METTL22: variants seen among roughly 807,000 people sequenced by gnomAD.
The protein encoded by METTL22 is methyltransferase-like protein 22.
METTL22 carries 51 observed loss-of-function variants against 48.4 expected under a neutral mutation model. The ratio of observed to expected loss-of-function variants is 1.05; its 90% CI spans 0.84 to 1.33. The LOEUF is 1.33. METTL22 is among the 40% of genes most tolerant of loss of function. The probability of loss-of-function intolerance (pLI) is 0.00; values close to 1 mark genes in which losing one functional copy is unlikely to be tolerated. For synonymous variants in METTL22, 255 were observed against 214.1 expected (o/e 1.19, Z -1.67); for missense variants, 678 against 526.9 (o/e 1.29, Z -2.81).
intron 6 of METTL22, chr16:8,639,443 G>A (rs755014973): frequency 1.8e-5 from 9 of 501,294 alleles, no homozygotes; most frequent in Non-Finnish European, 3.3e-5. Flanking sequence ...CAGCTCCTTA[G>A]TTGACCCGTC....
chr16:8,661,955 A>T, the METTL22 span, among the ~76,000 whole-genome samples: 3 of 145,272 alleles, frequency 2.1e-5, 1 homozygote, highest in Non-Finnish European at 4.5e-5. Context: ...CAGAAGTAGC[A>T]AGAATGGGCT....
At chr16:8,634,449 G>T (rs1412849508) in intron 3 of METTL22, among the ~76,000 whole-genome samples, 7 of 152,024 alleles carry the variant, frequency 4.6e-5, no homozygotes, top group Admixed American at 1.3e-4. Context: ...ACCAGAATTT[G>T]ATCCTATTAG....
chr16:8,661,963 G>C, the METTL22 span, among the ~76,000 whole-genome samples: 4 of 145,222 alleles, frequency 2.8e-5, no homozygotes, highest in Non-Finnish European at 6.1e-5. Context: ...GCAAGAATGG[G>C]CTTGGCATGG....
At chr16:8,659,398 A>T in the METTL22 span, among the ~76,000 whole-genome samples, 1 of 151,894 alleles carries the variant, frequency 6.6e-6, no homozygotes, top group Non-Finnish European at 1.5e-5. Context: ...TCCTGGAATG[A>T]CAGAGCTGGC....
chr16:8,644,516 T>G (rs1384502067), intron 9 of METTL22, 41 bp from the exon 10 acceptor site: 2 of 1,510,102 alleles, frequency 1.3e-6, no homozygotes, highest in African/African-American at 2.8e-5. Context: ...ACCCTTCCCA[T>G]TGATGATGGC....
the METTL22 span, among the ~76,000 whole-genome samples, chr16:8,660,706 G>A: frequency 6.6e-6 from 1 of 151,106 alleles, no homozygotes; most frequent in Non-Finnish European, 1.5e-5. Flanking sequence ...TAGAGCCATC[G>A]GGGGCTGGAA....
the METTL22 span, among the ~76,000 whole-genome samples, chr16:8,661,871 C>T: frequency 6.9e-6 from 1 of 144,926 alleles, no homozygotes; most frequent in Non-Finnish European, 1.5e-5. Flanking sequence ...CTGTGCCCAG[C>T]CTCCTGTACC....
At chr16:8,659,120 C>T in the METTL22 span, among the ~76,000 whole-genome samples, 274 of 152,246 alleles carry the variant, frequency 1.8e-3, no homozygotes, top group African/African-American at 6.4e-3. Context: ...AACTTGAGGT[C>T]AGGAGTTCGA....
the METTL22 span, among the ~76,000 whole-genome samples, chr16:8,660,516 C>T: frequency 6.6e-6 from 1 of 151,928 alleles, no homozygotes; most frequent in Admixed American, 6.6e-5. Context: ...TTCCTACTTC[C>T]TAGAAGAATC....
the METTL22 span, among the ~76,000 whole-genome samples, chr16:8,665,382 G>A: frequency 0.056 from 8,555 of 152,188 alleles, 573 homozygotes; most frequent in African/African-American, 0.16. Context: ...GAACCCTGGT[G>A]ACTCCAAGTC....
intron 9 of METTL22, among the ~76,000 whole-genome samples, chr16:8,643,843 A>T (rs1010833274): frequency 6.6e-6 from 1 of 152,038 alleles, no homozygotes; most frequent in Non-Finnish European, 1.5e-5. Flanking sequence ...CAAACTCCTG[A>T]CCTCAGGTGA....
chr16:8,646,007 G>T (rs2056785472), intron 10 of METTL22, 101 bp from the exon 11 acceptor site: 4 of 1,558,498 alleles, frequency 2.6e-6, no homozygotes, highest in Non-Finnish European at 2.6e-6. Flanking sequence ...TGGCTGACGT[G>T]TTGTCTAACT....
intron 3 of METTL22, among the ~76,000 whole-genome samples, chr16:8,634,650 G>T (rs893891641): frequency 2.0e-5 from 3 of 152,116 alleles, no homozygotes; most frequent in East Asian, 3.8e-4. Context: ...AATGAATTGT[G>T]ATTATTAGTA....
chr16:8,641,394 C>A, intron 7 of METTL22: 1 of 656,348 alleles, frequency 1.5e-6, no homozygotes, highest in South Asian at 1.5e-5. Flanking sequence ...CGTTCATTTT[C>A]TTCTCCAGGT....
In METTL22 at chr16:8,647,964, G is replaced by A. The variant is rs939120053; in HGVS notation, c.*1821G>A. The A allele has an allele frequency of 6.6e-6, 1 of 152,286 alleles. No homozygotes were observed. Among genetic ancestry groups the A allele is most frequent in the African/African-American group, 2.4e-5 (1 of 41,466 alleles). The allele number at this position is 152,286 out of a possible 1,614,324, so 9.4% of individuals were successfully genotyped here. The stretch of plus-strand genomic sequence containing the variant: ...CCATGTCCATCTGACTCCTGAGCCT[G>A]TGCTTTTCCCACATTCCCGCTGGAG... On this transcript the variant is annotated 3_prime_UTR_variant, in exon 11 of 11. Transcript: ENST00000381920.
intron 1 of METTL22, among the ~76,000 whole-genome samples, chr16:8,625,289 T>A (rs1438403663): frequency 6.6e-6 from 1 of 152,152 alleles, no homozygotes; most frequent in African/African-American, 2.4e-5. Flanking sequence ...GTTCTACGGT[T>A]ATGATATTCC....
At chr16:8,663,994 T>C in the METTL22 span, among the ~76,000 whole-genome samples, 1 of 152,094 alleles carries the variant, frequency 6.6e-6, no homozygotes, top group African/African-American at 2.4e-5. Context: ...CAACCAAAAC[T>C]GTCTCCAGCT....
chr16:8,625,308 C>T (rs1184096193), intron 1 of METTL22, among the ~76,000 whole-genome samples, 188 bp from the exon 2 acceptor site: 2 of 151,448 alleles, frequency 1.3e-5, no homozygotes, highest in African/African-American at 4.9e-5. Flanking sequence ...CCCCTGTATC[C>T]TTACTGTTTG....
chr16:8,622,455 C>G (rs986022945), intron 1 of METTL22, among the ~76,000 whole-genome samples: 1 of 151,978 alleles, frequency 6.6e-6, no homozygotes, highest in African/African-American at 2.4e-5. Context: ...AGCCTGCAGC[C>G]CTATGGAGAG....
Sources: gnomAD v4.1 joint callset for allele counts (sites outside exome capture counted in the v4.1 genomes callset) on GRCh38, gnomAD v4.1.1 for gene constraint, MANE v1.5 for transcripts, NCBI Gene and HGNC (gene_info 2026-07-23, HGNC 2026-07-21) for gene names.